SNX2: variants seen among roughly 807,000 people sequenced by gnomAD.
SNX2 encodes sorting nexin 2.
In SNX2, 25 loss-of-function variants were observed where a neutral mutation model predicts 69.9. The observed-to-expected ratio is 0.36, with a 90% CI of 0.26 to 0.50. The LOEUF (loss-of-function observed/expected upper bound fraction) is 0.50, where lower values mean the gene tolerates loss of function less well. Among genes scored for constraint, SNX2 ranks in the 20% least tolerant of loss-of-function variants. The pLI is 0.97. For synonymous variants in SNX2, 229 were observed against 200.4 expected (o/e 1.14, Z -1.20); for missense variants, 551 against 613.3 (o/e 0.90, Z 1.07).
intron 7 of SNX2, among the ~76,000 whole-genome samples, chr5:122,815,136 T>A (rs1207983425): frequency 6.6e-6 from 1 of 152,178 alleles, no homozygotes; most frequent in African/African-American, 2.4e-5. Context: ...TCATGATTGG[T>A]AATTTATTAT....
intron 7 of SNX2, among the ~76,000 whole-genome samples, chr5:122,815,369 T>G (rs1426099763): frequency 6.6e-6 from 1 of 152,206 alleles, no homozygotes; most frequent in African/African-American, 2.4e-5. Flanking sequence ...GAAAATTTAG[T>G]TCTTGTCAAG....
At position 122,818,959 on chromosome 5, in the gene SNX2, T is replaced by C. The variant is rs780272423; in HGVS notation, c.1148T>C (p.Phe383Ser). ...GACCAGTTACATCAAGAACAAGCTT[T>C]TGCTGACTTTTATATGTTTTCAGAA... is the stretch of plus-strand genomic sequence containing the variant. ...KIDQLHQEQA[F>S]ADFYMFSELL... is the part of the protein sequence containing the mutation. The change falls in exon 11 of 15, where the codon TTT (phenylalanine) becomes TCT (serine). Residue 383 changes from phenylalanine (F) to serine (S), a missense_variant. Transcript: ENST00000379516. 5 of 1,613,958 alleles carry C rather than the reference T, an allele frequency of 3.1e-6. No homozygotes were observed. The South Asian group carries it at 5.5e-5, about 18-fold the overall frequency.
chr5:122,789,558 T>G (rs1010256627), intron 1 of SNX2, among the ~76,000 whole-genome samples: 2 of 152,152 alleles, frequency 1.3e-5, no homozygotes, highest in African/African-American at 4.8e-5. Flanking sequence ...CTACCCGTGC[T>G]GTAGCTCCTG....
chr5:122,807,878 A>C (rs1295031849), intron 6 of SNX2, among the ~76,000 whole-genome samples: 2 of 152,198 alleles, frequency 1.3e-5, no homozygotes. Context: ...ATTATTGCTC[A>C]TGAGAAATGA....
chr5:122,823,779 C>CGTGTGTGTGT (rs10559762), intron 11 of SNX2, among the ~76,000 whole-genome samples: 6 of 145,822 alleles, frequency 4.1e-5, no homozygotes, highest in Admixed American at 6.9e-5. Context: ...AACATGTGGT[C>CGTGTGTGTGT]GTGTGTGTGT....
chr5:122,823,806 G>GTGTGTGTA (rs1561476390), intron 11 of SNX2, among the ~76,000 whole-genome samples: 1 of 132,748 alleles, frequency 7.5e-6, no homozygotes, highest in Non-Finnish European at 1.7e-5. Context: ...GTGTGTGTGT[G>GTGTGTGTA]TGTGTATGTG....
chr5:122,799,753 T>G lies in SNX2; in HGVS notation c.288T>G (p.Pro96=), dbSNP rs1416825877. Residue 96 remains proline (P), a synonymous_variant, in exon 3 of 15, where the codon CCT becomes CCG. Transcript: ENST00000379516. ...PEREPILSSE[P]SPAVTPVTPT... ...GGGAACCTATCCTATCCTCGGAACC[T>G]TCTCCTGCAGTCACACCTGTCACTC... 6.2e-7 allele frequency: 1 copy of G among 1,613,804 alleles called. No individual in the cohort carries two copies. Among genetic ancestry groups the G allele is most frequent in the Non-Finnish European group, 8.5e-7 (1 of 1,179,838 alleles).
chr5:122,824,333 G>A (rs1053652234), intron 11 of SNX2, among the ~76,000 whole-genome samples: 1 of 152,032 alleles, frequency 6.6e-6, no homozygotes, highest in Non-Finnish European at 1.5e-5. Context: ...GTGGCCCAGG[G>A]AAGCCAAAGC....
chr5:122,796,977 G>A (rs1489246162), intron 2 of SNX2, among the ~76,000 whole-genome samples: 3 of 152,188 alleles, frequency 2.0e-5, no homozygotes, highest in African/African-American at 7.2e-5. Context: ...ACCCAAGCTG[G>A]AGTATAGCCA....
At chr5:122,806,134 A>ATGCGCGCGCGCGCG (rs142218645) in intron 6 of SNX2, among the ~76,000 whole-genome samples, 1 of 121,374 alleles carries the variant, frequency 8.2e-6, no homozygotes, top group Non-Finnish European at 1.9e-5. Context: ...ATATATACAC[A>ATGCGCGCGCGCGCG]CGCGCGCGCA....
At chr5:122,801,031 G>A (rs1753496135) in intron 3 of SNX2, among the ~76,000 whole-genome samples, 1 of 152,092 alleles carries the variant, frequency 6.6e-6, no homozygotes, top group Non-Finnish European at 1.5e-5. Flanking sequence ...GCGTCCAGAA[G>A]AACGTGTTTA....
intron 1 of SNX2, among the ~76,000 whole-genome samples, chr5:122,794,892 G>A (rs985964044): frequency 1.3e-5 from 2 of 151,986 alleles, no homozygotes; most frequent in African/African-American, 4.8e-5. Context: ...GTGTGGTGAC[G>A]TGCATTTTTA....
At chr5:122,812,487 A>G (rs1479375687) in intron 7 of SNX2, among the ~76,000 whole-genome samples, 1 of 152,184 alleles carries the variant, frequency 6.6e-6, no homozygotes, top group Non-Finnish European at 1.5e-5. Flanking sequence ...TGTTCAAATA[A>G]CATCTTTCAA....
chr5:122,789,442 T>TACACACACACACATAC (rs1753170060), intron 1 of SNX2, among the ~76,000 whole-genome samples: 1 of 141,554 alleles, frequency 7.1e-6, no homozygotes, highest in African/African-American at 2.6e-5. Flanking sequence ...CACACACACA[T>TACACACACACACATAC]ACACACACAC....
intron 7 of SNX2, among the ~76,000 whole-genome samples, chr5:122,814,220 C>T (rs546269242): frequency 4.6e-5 from 7 of 152,246 alleles, no homozygotes; most frequent in East Asian, 3.9e-4. Flanking sequence ...GTCTAAACAA[C>T]GAAATAACTT....
rs531274465 is a variant in SNX2 at position 122,834,266 on chromosome 5, T to TA, written c.*4620dup. The TA allele has an allele frequency of 2.1e-4, 32 of 152,334 alleles. No homozygotes were observed. The South Asian group carries it at 6.4e-3, about 31-fold the overall frequency. 9.4% of individuals were successfully genotyped at this position (152,334 alleles called of 1,614,324 possible). A position where few individuals can be genotyped will look rare whatever the true frequency, so the allele number is the denominator to read the frequency against. ...AGCTGTAGTTTACTATCTAGTTTTT[T>TA]AATGCACATGAAGTAATTTAAAATG... On this transcript the variant is annotated 3_prime_UTR_variant, in exon 15 of 15. Coordinates refer to ENST00000379516, the MANE Select transcript of SNX2 (RefSeq NM_003100.4).
chr5:122,790,011 T>C (rs1753193045), intron 1 of SNX2, among the ~76,000 whole-genome samples: 2 of 152,182 alleles, frequency 1.3e-5, no homozygotes, highest in Non-Finnish European at 2.9e-5. Flanking sequence ...TTTTTAAGGG[T>C]TGGAAATCCA....
intron 1 of SNX2, chr5:122,775,518 C>T (rs1198585381): frequency 3.8e-6 from 4 of 1,062,494 alleles, no homozygotes; most frequent in Non-Finnish European, 1.1e-6. Flanking sequence ...CTTGCACGTC[C>T]TCCTCTTCAA....
chr5:122,787,520 C>A (rs556613601), intron 1 of SNX2, among the ~76,000 whole-genome samples: 2 of 151,384 alleles, frequency 1.3e-5, no homozygotes, highest in African/African-American at 2.4e-5. Flanking sequence ...ACTGTCCCCC[C>A]CCAAAAAAAA....
Sources: gnomAD v4.1 joint callset for allele counts (sites outside exome capture counted in the v4.1 genomes callset) on GRCh38, gnomAD v4.1.1 for gene constraint, MANE v1.5 for transcripts, NCBI Gene and HGNC (gene_info 2026-07-23, HGNC 2026-07-21) for gene names.